Variants in EDNRA observed in about 807,000 individuals in gnomAD.
The protein encoded by EDNRA is endothelin-1 receptor.
Under a neutral mutation model 41.4 loss-of-function variants are expected in EDNRA, and 11 were observed. That is an observed-to-expected ratio of 0.27 (90% CI 0.17 to 0.44). EDNRA has a LOEUF of 0.44. Among genes scored for constraint, EDNRA ranks in the 20% least tolerant of loss-of-function variants. The probability of loss-of-function intolerance (pLI) is 1.00; values close to 1 mark genes in which losing one functional copy is unlikely to be tolerated. For missense variants in EDNRA, 294 were observed against 531.0 expected (o/e 0.55, Z 4.39); for synonymous variants, 172 against 183.0 (o/e 0.94, Z 0.49).
intron 3 of EDNRA, among the ~76,000 whole-genome samples, chr4:147,530,128 A>G (rs1308727207): frequency 6.6e-6 from 1 of 152,234 alleles, no homozygotes; most frequent in Admixed American, 6.5e-5. Context: ...CATGTTCATC[A>G]TAAGAACATG....
At chr4:147,484,811 C>T (rs9308218) in intron 1 of EDNRA, among the ~76,000 whole-genome samples, 69,316 of 152,134 alleles carry the variant, frequency 0.46, 20,286 homozygotes, top group African/African-American at 0.84. Flanking sequence ...TTAGATTTTA[C>T]ACATTAATCA....
chr4:147,485,699 C>T lies in EDNRA; in HGVS notation c.18C>T (p.Leu6=), dbSNP rs759573536. ...GCCTCAAGATGGAAACCCTTTGCCT[C>T]AGGGCATCCTTTTGGCTGGCACTGG... METLC[L]RASFWLALVG... The change falls in exon 2 of 8, where the codon CTC becomes CTT. Residue 6 remains leucine (L), a synonymous_variant. Coordinates refer to ENST00000651419, the MANE Select transcript of EDNRA (RefSeq NM_001957.4). 2 of 1,606,662 alleles carry T rather than the reference C, an allele frequency of 1.2e-6. No homozygotes were observed. Among genetic ancestry groups the T allele is most frequent in the South Asian group, 2.2e-5 (2 of 89,854 alleles).
intron 2 of EDNRA, among the ~76,000 whole-genome samples, chr4:147,505,562 G>A (rs1307714316): frequency 3.4e-5 from 5 of 147,482 alleles, no homozygotes; most frequent in Non-Finnish European, 7.5e-5. Flanking sequence ...GGCTGGTCTC[G>A]AACCCCAGGC....
intron 3 of EDNRA, chr4:147,531,613 C>T (rs956413594): frequency 2.6e-5 from 4 of 152,336 alleles, no homozygotes; most frequent in Middle Eastern, 3.4e-3. Context: ...TGTCTGTTAC[C>T]GCCACATTCT....
chr4:147,522,956 G>A (rs990962020), intron 3 of EDNRA, among the ~76,000 whole-genome samples: 9 of 152,216 alleles, frequency 5.9e-5, no homozygotes, highest in African/African-American at 2.2e-4. Context: ...GGAAACATGG[G>A]ACATCTTGAA....
At chr4:147,491,681 GTTACCCACCAAA>G (rs1342302255) in intron 2 of EDNRA, 2 of 152,132 alleles carry the variant, frequency 1.3e-5, no homozygotes, top group African/African-American at 2.4e-5. Flanking sequence ...ACTTAGTCAA[GTTACCCACCAAA>G]TTCCGTATGT....
At chr4:147,503,984 G>A (rs1729602679) in intron 2 of EDNRA, among the ~76,000 whole-genome samples, 1 of 151,850 alleles carries the variant, frequency 6.6e-6, no homozygotes, top group African/African-American at 2.4e-5. Context: ...ATTATTTAGT[G>A]CGAAAAAATG....
intron 4 of EDNRA, among the ~76,000 whole-genome samples, chr4:147,534,169 C>T (rs1438661020): frequency 6.6e-6 from 1 of 152,154 alleles, no homozygotes; most frequent in African/African-American, 2.4e-5. Context: ...CCTCTAGACC[C>T]TCTGCAGCTG....
At chr4:147,540,542 C>T (rs1316472638) in intron 7 of EDNRA, 57 bp downstream of exon 7, 38 of 1,196,100 alleles carry the variant, frequency 3.2e-5, no homozygotes, top group Non-Finnish European at 4.3e-5. Flanking sequence ...ATTAAACAGT[C>T]AACAGACACA....
At position 147,486,210 on chromosome 4, in the gene EDNRA, T is replaced by G; in HGVS notation, c.420+109T>G. The G allele has an allele frequency of 8.1e-7, 1 of 1,237,438 alleles. No homozygotes were observed. The allele number at this position is 1,237,438 out of a possible 1,614,324, so 76.7% of individuals were successfully genotyped here. ...TTTGGAATTTTATCTGTGTTTTTAC[T>G]GAGAGCTATTTCTGCTGTCTTCTAA... On this transcript the variant is annotated intron_variant, in intron 2 of 7. Coordinates refer to ENST00000651419, the MANE Select transcript of EDNRA (RefSeq NM_001957.4). The surrounding 1 kb of genome is among the most constrained non-coding windows in gnomAD (Gnocchi z 4.3).
At chr4:147,524,899 A>C (rs1730479100) in intron 3 of EDNRA, among the ~76,000 whole-genome samples, 1 of 151,662 alleles carries the variant, frequency 6.6e-6, no homozygotes, top group South Asian at 2.1e-4. Flanking sequence ...TACTACTACA[A>C]AAAAAAATAA....
At chr4:147,532,116 T>C (rs1321206171) in intron 3 of EDNRA, among the ~76,000 whole-genome samples, 2 of 135,296 alleles carry the variant, frequency 1.5e-5, no homozygotes, top group Non-Finnish European at 3.1e-5. Context: ...ATCGAGACCA[T>C]CCTGGCTAGC....
At chr4:147,541,557 A>G (rs184828535) in intron 7 of EDNRA, among the ~76,000 whole-genome samples, 13 of 152,324 alleles carry the variant, frequency 8.5e-5, no homozygotes, top group African/African-American at 3.1e-4. Flanking sequence ...AAGGAGGGTA[A>G]TATATGTAAA....
chr4:147,522,619 G>A (rs1461011400), intron 3 of EDNRA, among the ~76,000 whole-genome samples: 1 of 152,094 alleles, frequency 6.6e-6, no homozygotes, highest in African/African-American at 2.4e-5. Flanking sequence ...GGGAAGCTGA[G>A]GTTGAAAGAG....
At chr4:147,524,553 G>GA (rs1730465957) in intron 3 of EDNRA, among the ~76,000 whole-genome samples, 1 of 152,070 alleles carries the variant, frequency 6.6e-6, no homozygotes, top group East Asian at 1.9e-4. Context: ...AAGAAAGTAA[G>GA]AAAAAATGAT....
At chr4:147,522,540 T>C (rs951947897) in intron 3 of EDNRA, among the ~76,000 whole-genome samples, 7 of 149,972 alleles carry the variant, frequency 4.7e-5, no homozygotes, top group African/African-American at 1.7e-4. Flanking sequence ...TGAGACTCTG[T>C]CTCAAAAAAA....
intron 1 of EDNRA, among the ~76,000 whole-genome samples, chr4:147,485,104 A>G (rs1341432201): frequency 6.6e-6 from 1 of 151,910 alleles, no homozygotes; most frequent in African/African-American, 2.4e-5. Flanking sequence ...ATTAAAAAAT[A>G]TGTTTGTATC....
At chr4:147,500,548 T>C (rs1293955815) in intron 2 of EDNRA, among the ~76,000 whole-genome samples, 2 of 152,074 alleles carry the variant, frequency 1.3e-5, no homozygotes, top group African/African-American at 4.8e-5. Context: ...TGAAACCCCA[T>C]TGCTACAAAA....
At chr4:147,495,537 T>C (rs1371068025) in intron 2 of EDNRA, 1 of 152,204 alleles carries the variant, frequency 6.6e-6, no homozygotes, top group Admixed American at 6.5e-5. Flanking sequence ...ATGTTCATTG[T>C]CATGTCAGTG....
Sources: gnomAD v4.1 joint callset for allele counts (sites outside exome capture counted in the v4.1 genomes callset) on GRCh38, gnomAD v4.1.1 for gene constraint, Gnocchi (gnomAD v3.1) non-coding constraint, MANE v1.5 for transcripts, NCBI Gene and HGNC (gene_info 2026-07-23, HGNC 2026-07-21) for gene names.